CTNNA2: variants seen among roughly 807,000 people sequenced by gnomAD.
The protein encoded by CTNNA2 is catenin alpha-2.
CTNNA2 carries 42 observed loss-of-function variants against 101.0 expected under a neutral mutation model. The observed-to-expected ratio is 0.42, with a 90% CI of 0.32 to 0.54. The LOEUF (loss-of-function observed/expected upper bound fraction) is 0.54. Ranked by LOEUF, CTNNA2 falls within the 20% of genes least tolerant of loss-of-function variation. The probability of loss-of-function intolerance (pLI) is 0.14; values close to 1 mark genes in which losing one functional copy is unlikely to be tolerated. For missense variants in CTNNA2, 871 were observed against 1,223.1 expected (o/e 0.71, Z 4.29); for synonymous variants, 450 against 456.4 (o/e 0.99, Z 0.18).
In CTNNA2 at chr2:79,438,568, C is replaced by A. The variant is rs1288211254; in HGVS notation, c.-135+64555C>A. Among the ~76,000 whole-genome samples, 3 of 152,146 alleles carry A rather than the reference C, an allele frequency of 2.0e-5. No homozygotes were observed. In the East Asian group the frequency reaches 5.8e-4, roughly 29 times the overall value. ...AGTTTAGTAGCATCCTTGGCCTCTACGCACTAGATGCCAGTAGGACTCCCC... is the reference window on the plus strand; with the variant it reads ...AGTTTAGTAGCATCCTTGGCCTCTAAGCACTAGATGCCAGTAGGACTCCCC... On this transcript the variant is annotated intron_variant, in intron 4 of 21. Transcript: ENST00000466387.
chr2:79,212,996 T>G (rs941337137), intron 2 of CTNNA2, among the ~76,000 whole-genome samples: 8 of 152,038 alleles, frequency 5.3e-5, no homozygotes, highest in African/African-American at 1.9e-4. Flanking sequence ...GTAACCTACA[T>G]GGAAGAAGTT....
chr2:79,864,661 T>C (rs988102071), intron 4 of CTNNA2, among the ~76,000 whole-genome samples: 1 of 152,184 alleles, frequency 6.6e-6, no homozygotes, highest in African/African-American at 2.4e-5. Flanking sequence ...ATTTTACAGA[T>C]ACTCAGGATA....
chr2:79,649,908 G>A (rs990602741), intron 1 of CTNNA2, among the ~76,000 whole-genome samples: 3 of 152,196 alleles, frequency 2.0e-5, no homozygotes, highest in African/African-American at 7.2e-5. Context: ...ATTTCTACTA[G>A]TGCCTATTGT....
intron 2 of CTNNA2, among the ~76,000 whole-genome samples, chr2:79,695,173 GATTTATTTGC>G (rs1385082969): frequency 6.6e-6 from 1 of 151,654 alleles, no homozygotes; most frequent in Non-Finnish European, 1.5e-5. Context: ...GAAGGTCATG[GATTTATTTGC>G]ATTCACTTAC....
intron 7 of CTNNA2, among the ~76,000 whole-genome samples, chr2:80,062,662 C>T (rs1405589651): frequency 2.0e-5 from 3 of 150,276 alleles, no homozygotes; most frequent in African/African-American, 7.4e-5. Context: ...CTGGCCCTTG[C>T]TTTCACCATT....
intron 7 of CTNNA2, among the ~76,000 whole-genome samples, chr2:80,169,424 G>A (rs916325534): frequency 2.6e-5 from 4 of 152,102 alleles, no homozygotes; most frequent in African/African-American, 9.7e-5. Flanking sequence ...AAAGGTATAC[G>A]TTATAAAGGT....
intron 7 of CTNNA2, among the ~76,000 whole-genome samples, chr2:80,013,431 A>G (rs1693922653): frequency 6.6e-6 from 1 of 152,178 alleles, no homozygotes; most frequent in Non-Finnish European, 1.5e-5. Context: ...AACATTAAGC[A>G]TTCCACTTTT....
At chr2:80,230,067 A>G (rs770281476) in intron 7 of CTNNA2, among the ~76,000 whole-genome samples, 58 of 152,156 alleles carry the variant, frequency 3.8e-4, no homozygotes, top group Non-Finnish European at 6.6e-4. Context: ...TTTGTAGCCT[A>G]CAAGCAGTAG....
intron 9 of CTNNA2, among the ~76,000 whole-genome samples, chr2:80,447,885 G>A (rs1278474425): frequency 6.6e-6 from 1 of 152,182 alleles, no homozygotes; most frequent in African/African-American, 2.4e-5. Flanking sequence ...GCAGAAGCTT[G>A]CTCATTCTTC....
At chr2:79,822,912 C>A (rs76346412) in intron 3 of CTNNA2, among the ~76,000 whole-genome samples, 206 of 152,310 alleles carry the variant, frequency 1.4e-3, no homozygotes, top group African/African-American at 4.7e-3. Context: ...TGCCTACCAC[C>A]ATCCCCATTC....
At position 79,928,039 on chromosome 2, in the gene CTNNA2, T is replaced by G. The variant is rs147781064; in HGVS notation, c.1056+18242T>G. Reference sequence around the variant, plus strand: ...AAAAGGTTGGCCTTATAGAAGATACTCATGTTTACGTTGGGTTTGTTGAAT... The same window carrying G: ...AAAAGGTTGGCCTTATAGAAGATACGCATGTTTACGTTGGGTTTGTTGAAT... On this transcript the variant is annotated intron_variant, in intron 7 of 18. Coordinates refer to ENST00000402739, the MANE Select transcript of CTNNA2 (RefSeq NM_001282597.3). Among the ~76,000 whole-genome samples the G allele has an allele frequency of 3.6e-3, 548 of 152,300 alleles. 2 individuals carry two copies. The highest frequency in any genetic ancestry group is 0.013 in the African/African-American group (527 of 41,568).
At chr2:80,177,388 C>T (rs1705462014) in intron 7 of CTNNA2, among the ~76,000 whole-genome samples, 2 of 152,148 alleles carry the variant, frequency 1.3e-5, no homozygotes, top group African/African-American at 2.4e-5. Context: ...TATACTCAAC[C>T]TGCCACCAAG....
At chr2:79,325,767 C>G (rs1302800992) in intron 3 of CTNNA2, among the ~76,000 whole-genome samples, 1 of 152,226 alleles carries the variant, frequency 6.6e-6, no homozygotes, top group Non-Finnish European at 1.5e-5. Flanking sequence ...TGTTTCATCA[C>G]AACACTTATC....
At chr2:79,803,180 C>G (rs1373766405) in intron 3 of CTNNA2, among the ~76,000 whole-genome samples, 1 of 152,100 alleles carries the variant, frequency 6.6e-6, no homozygotes, top group Non-Finnish European at 1.5e-5. Flanking sequence ...TTCATTCATA[C>G]TCTTCTTTTG....
intron 7 of CTNNA2, among the ~76,000 whole-genome samples, chr2:80,272,329 G>A (rs1254124176): frequency 4.6e-5 from 7 of 152,160 alleles, no homozygotes; most frequent in East Asian, 3.8e-4. Flanking sequence ...CAAAAATACC[G>A]TTCCATCTGT....
intron 7 of CTNNA2, among the ~76,000 whole-genome samples, chr2:80,256,201 T>C (rs1672130040): frequency 6.6e-6 from 1 of 152,064 alleles, no homozygotes; most frequent in African/African-American, 2.4e-5. Flanking sequence ...CTTTTGTTGC[T>C]GCCCTCAGCC....
chr2:79,608,565 C>T (rs949146382), intron 1 of CTNNA2, among the ~76,000 whole-genome samples: 7 of 152,044 alleles, frequency 4.6e-5, no homozygotes, highest in Non-Finnish European at 8.8e-5. Flanking sequence ...TATATCATGA[C>T]TAAGTGAGAT....
At chr2:80,550,748 A>G (rs1484636676) in intron 11 of CTNNA2, among the ~76,000 whole-genome samples, 12 of 152,138 alleles carry the variant, frequency 7.9e-5, no homozygotes, top group African/African-American at 2.7e-4. Context: ...TTCTCTTGCT[A>G]TTTCCACTAG....
intron 2 of CTNNA2, among the ~76,000 whole-genome samples, chr2:79,682,410 C>CAAAAAA (rs10674928): frequency 2.7e-5 from 2 of 73,294 alleles, no homozygotes; most frequent in Admixed American, 1.8e-4. Context: ...AACTCCATCT[C>CAAAAAA]AAAAAAAAAA....
Sources: allele counts gnomAD v4.1 joint callset (sites outside exome capture counted in the v4.1 genomes callset), GRCh38; gene constraint gnomAD v4.1.1; transcripts MANE v1.5; gene names NCBI Gene and HGNC (gene_info 2026-07-23, HGNC 2026-07-21).